Variants in CTNNA3 observed in about 807,000 individuals in gnomAD.
The protein encoded by CTNNA3 is catenin alpha 3, also known as catenin alpha-3.
Under a neutral mutation model 95.7 loss-of-function variants are expected in CTNNA3, and 76 were observed. That is an observed-to-expected ratio of 0.79 (90% CI 0.66 to 0.96). The LOEUF (loss-of-function observed/expected upper bound fraction) is 0.96, where lower values mean the gene tolerates loss of function less well. CTNNA3 is among the 40% of genes least tolerant of loss of function. The pLI is 0.00. For missense variants in CTNNA3, 1,191 were observed against 1,089.8 expected (o/e 1.09, Z -1.31); for synonymous variants, 431 against 374.4 (o/e 1.15, Z -1.74).
At chr10:67,751,015 C>T (rs1841404157) in intron 1 of CTNNA3, 1 of 1,561,056 alleles carries the variant, frequency 6.4e-7, no homozygotes, top group African/African-American at 1.4e-5. Context: ...CAAAAAACCA[C>T]AGCCCAGGTT....
chr10:66,621,584 C>T (rs1844749393), intron 10 of CTNNA3, 108 bp downstream of exon 10: 1 of 605,522 alleles, frequency 1.7e-6, no homozygotes, highest in Non-Finnish European at 2.8e-6. Flanking sequence ...AGAGCGAGAC[C>T]TGGTCTCAAA....
rs527909061 is a variant in CTNNA3 at position 67,123,141 on chromosome 10, A to G, written c.1047+57176T>C. 3.9e-5 allele frequency among the ~76,000 whole-genome samples: 6 copies of G among 152,252 alleles called. No individual in the cohort carries two copies. The South Asian group carries it at 1.2e-3, about 32-fold the overall frequency. On this transcript the variant is annotated intron_variant, in intron 7 of 17. Coordinates refer to ENST00000433211, the MANE Select transcript of CTNNA3 (RefSeq NM_013266.4). The stretch of plus-strand genomic sequence containing the variant: ...AAGAAACACTCCTGTAAATCAGTGA[A>G]TGAGCACCATGCATTCTGATGAACC...
rs189772552 is a variant in CTNNA3 at position 65,978,869 on chromosome 10, C to T, written c.2265+9823G>A. Among the ~76,000 whole-genome samples the T allele has an allele frequency of 1.4e-3, 210 of 152,226 alleles. 2 individuals carry two copies. Among genetic ancestry groups the T allele is most frequent in the African/African-American group, 4.8e-3 (198 of 41,542 alleles). On this transcript the variant is annotated intron_variant, in intron 16 of 17. Transcript: ENST00000433211. ...TTCTTTGCTATGCCTATGACAGCTG[C>T]TGTTTAGCAAATTCAGGTTTCTGAA... is the stretch of plus-strand genomic sequence containing the variant.
chr10:66,503,784 A>C (rs72791587), intron 11 of CTNNA3, among the ~76,000 whole-genome samples: 4 of 151,872 alleles, frequency 2.6e-5, no homozygotes, highest in African/African-American at 9.7e-5. Context: ...TTCTTTTTCT[A>C]TGTTCCACGT....
At chr10:66,108,298 A>G (rs2081985773) in intron 13 of CTNNA3, among the ~76,000 whole-genome samples, 1 of 152,196 alleles carries the variant, frequency 6.6e-6, no homozygotes, top group Non-Finnish European at 1.5e-5. Context: ...CTGGCACTCT[A>G]CCTTATAAAT....
At chr10:67,255,564 C>A (rs577891486) in intron 5 of CTNNA3, among the ~76,000 whole-genome samples, 1 of 152,096 alleles carries the variant, frequency 6.6e-6, no homozygotes, top group Non-Finnish European at 1.5e-5. Context: ...ATACTTTAAT[C>A]CTTCTAATAA....
chr10:66,306,623 A>G (rs1290187075), intron 12 of CTNNA3, among the ~76,000 whole-genome samples: 3 of 152,196 alleles, frequency 2.0e-5, no homozygotes, highest in African/African-American at 7.2e-5. Flanking sequence ...ATACTGGCAT[A>G]TGCAAGGGTA....
At chr10:66,714,475 AT>A (rs1487823678) in intron 9 of CTNNA3, among the ~76,000 whole-genome samples, 1 of 152,096 alleles carries the variant, frequency 6.6e-6, no homozygotes, top group African/African-American at 2.4e-5. Flanking sequence ...CAAAACTCTT[AT>A]TTAGACCCTT....
intron 1 of CTNNA3, among the ~76,000 whole-genome samples, chr10:67,677,659 C>T (rs746920910): frequency 2.0e-5 from 3 of 152,000 alleles, no homozygotes; most frequent in Admixed American, 6.6e-5. Flanking sequence ...CTAGACACCT[C>T]CTAGCAATAC....
intron 15 of CTNNA3, among the ~76,000 whole-genome samples, chr10:66,007,802 C>A (rs868620839): frequency 8.4e-6 from 1 of 119,288 alleles, no homozygotes; most frequent in Non-Finnish European, 1.7e-5. Context: ...TCCCTTCCTT[C>A]CTCCCTCGCT....
intron 7 of CTNNA3, among the ~76,000 whole-genome samples, chr10:66,958,828 A>T (rs1848971391): frequency 6.6e-6 from 1 of 152,176 alleles, no homozygotes; most frequent in Non-Finnish European, 1.5e-5. Flanking sequence ...GAAAGGAATT[A>T]AAATGGGGAG....
At position 67,331,900 on chromosome 10, in the gene CTNNA3, G is replaced by A. The variant is rs1841809620; in HGVS notation, c.580-112030C>T. ...TTTACTCCTGAATCTGAGGCAATAG[G>A]CTACTTTCTCCCTTATTAAACATAA... On this transcript the variant is annotated intron_variant, in intron 5 of 17. Transcript: ENST00000433211. 2.0e-5 allele frequency among the ~76,000 whole-genome samples: 3 copies of A among 152,022 alleles called. No homozygotes were observed. In the South Asian group the frequency reaches 6.2e-4, roughly 32 times the overall value.
chr10:67,456,603 A>G (rs1847181301), intron 5 of CTNNA3, among the ~76,000 whole-genome samples: 1 of 152,166 alleles, frequency 6.6e-6, no homozygotes, highest in Non-Finnish European at 1.5e-5. Context: ...TAGGGTTCAA[A>G]TGGTAATATT....
intron 12 of CTNNA3, among the ~76,000 whole-genome samples, chr10:66,308,777 T>G (rs1589062880): frequency 6.6e-6 from 1 of 152,202 alleles, no homozygotes; most frequent in African/African-American, 2.4e-5. Context: ...CTAATTTGCT[T>G]ATATTATAAA....
intron 11 of CTNNA3, among the ~76,000 whole-genome samples, chr10:66,513,303 G>A (rs1840726289): frequency 6.6e-6 from 1 of 151,986 alleles, no homozygotes; most frequent in South Asian, 2.1e-4. Flanking sequence ...ACTTGAGTAG[G>A]GTGCTTTGGC....
intron 7 of CTNNA3, among the ~76,000 whole-genome samples, chr10:67,014,271 A>T (rs1331425808): frequency 6.6e-6 from 1 of 152,186 alleles, no homozygotes; most frequent in African/African-American, 2.4e-5. Flanking sequence ...TATAAAATTG[A>T]TGCAGCAGTG....
intron 1 of CTNNA3, among the ~76,000 whole-genome samples, chr10:67,751,664 A>G (rs1589589367): frequency 6.6e-6 from 1 of 152,180 alleles, no homozygotes; most frequent in South Asian, 2.1e-4. Flanking sequence ...AATACAACCA[A>G]CCATCAGAGA....
At chr10:66,672,389 T>G (rs1846694962) in intron 9 of CTNNA3, among the ~76,000 whole-genome samples, 2 of 152,292 alleles carry the variant, frequency 1.3e-5, no homozygotes, top group African/African-American at 4.8e-5. Context: ...CAAGCCATCC[T>G]TCCTTTTGAC....
intron 5 of CTNNA3, among the ~76,000 whole-genome samples, chr10:67,494,507 T>A (rs915188165): frequency 2.6e-5 from 4 of 152,180 alleles, no homozygotes; most frequent in Admixed American, 6.5e-5. Flanking sequence ...TACCAGTCAG[T>A]TTTTAAGAGC....
Sources: gnomAD v4.1 joint callset for allele counts (sites outside exome capture counted in the v4.1 genomes callset) on GRCh38, gnomAD v4.1.1 for gene constraint, MANE v1.5 for transcripts, NCBI Gene and HGNC (gene_info 2026-07-23, HGNC 2026-07-21) for gene names.